The following ZNF613 variants were observed in gnomAD, a reference collection of about 807,000 sequenced individuals.
ZNF613 encodes zinc finger protein 613.
ZNF613 carries 8 observed loss-of-function variants against 14.3 expected under a neutral mutation model. The ratio of observed to expected loss-of-function variants is 0.56; its 90% confidence interval spans 0.33 to 1.01. The LOEUF (loss-of-function observed/expected upper bound fraction) is 1.01. ZNF613 is among the 50% of genes least tolerant of loss of function. The probability of loss-of-function intolerance (pLI) is 0.03; values close to 1 mark genes in which losing one functional copy is unlikely to be tolerated. For synonymous variants in ZNF613, 228 were observed against 254.5 expected, an observed-to-expected ratio of 0.90 and a Z score of 0.99; for missense variants, 656 against 741.9, an observed-to-expected ratio of 0.88 and a Z score of 1.35.
At chr19:51,942,505 T>C (rs932870387) in intron 5 of ZNF613, among the ~76,000 whole-genome samples, 4 of 152,194 alleles carry the variant, frequency 2.6e-5, no homozygotes, top group Admixed American at 1.3e-4. Flanking sequence ...ACCTTCCAAG[T>C]AGACAAAATA....
At chr19:51,929,441 G>A (rs1237855752) in intron 1 of ZNF613, among the ~76,000 whole-genome samples, 1 of 152,108 alleles carries the variant, frequency 6.6e-6, no homozygotes, top group East Asian at 1.9e-4. Flanking sequence ...TGTAAATGGT[G>A]TGTTTTTAAT....
chr19:51,933,525 A>AT (rs1381313419), intron 2 of ZNF613, among the ~76,000 whole-genome samples: 2 of 151,780 alleles, frequency 1.3e-5, no homozygotes, highest in Non-Finnish European at 2.9e-5. Context: ...CTCACCACAG[A>AT]CTCAAACTCC....
chr19:51,931,872 A>G (rs142701229), intron 2 of ZNF613, among the ~76,000 whole-genome samples: 1 of 152,298 alleles, frequency 6.6e-6, no homozygotes, highest in East Asian at 1.9e-4. Flanking sequence ...GATTCCTGGT[A>G]GACTGAACAA....
At chr19:51,928,076 T>A (rs2085232461) in intron 1 of ZNF613, 1 of 151,698 alleles carries the variant, frequency 6.6e-6, no homozygotes, top group Non-Finnish European at 1.5e-5. Flanking sequence ...TATCTATCTA[T>A]CTAATTTATC....
At chr19:51,932,056 G>T (rs904669560) in intron 2 of ZNF613, among the ~76,000 whole-genome samples, 1 of 151,992 alleles carries the variant, frequency 6.6e-6, no homozygotes, top group African/African-American at 2.4e-5. Context: ...ATTGTCAGTC[G>T]GCCTTTTGGT....
chr19:51,937,425 A>C (rs2085312716), intron 3 of ZNF613, among the ~76,000 whole-genome samples: 1 of 152,110 alleles, frequency 6.6e-6, no homozygotes, highest in Non-Finnish European at 1.5e-5. Flanking sequence ...GTGAGCAAAA[A>C]CCCACACATT....
intron 2 of ZNF613, among the ~76,000 whole-genome samples, chr19:51,930,597 G>A (rs901972567): frequency 9.2e-5 from 14 of 152,156 alleles, no homozygotes; most frequent in African/African-American, 2.7e-4. Context: ...TGTCTGTGTC[G>A]TAGCATGTAT....
chr19:51,936,827 A>G (rs2085308825), intron 3 of ZNF613, among the ~76,000 whole-genome samples: 2 of 152,142 alleles, frequency 1.3e-5, no homozygotes, highest in South Asian at 2.1e-4. Flanking sequence ...ACCCCTAGGT[A>G]GCTTCAGTAT....
At chr19:51,930,761 A>G (rs1229840557) in intron 2 of ZNF613, among the ~76,000 whole-genome samples, 1 of 151,686 alleles carries the variant, frequency 6.6e-6, no homozygotes, top group African/African-American at 2.4e-5. Context: ...GTAAGTTTTT[A>G]TTGTTTTTAT....
chr19:51,933,185 G>C (rs1252458787), intron 2 of ZNF613, among the ~76,000 whole-genome samples: 1 of 152,160 alleles, frequency 6.6e-6, no homozygotes, highest in Non-Finnish European at 1.5e-5. Flanking sequence ...GCATGCGTGT[G>C]GCTTTTATAT....
chr19:51,928,514 C>G (rs2085236209), intron 1 of ZNF613, among the ~76,000 whole-genome samples: 1 of 152,144 alleles, frequency 6.6e-6, no homozygotes, highest in Non-Finnish European at 1.5e-5. Context: ...TCTCCTTTCT[C>G]TCATCCTGGT....
chr19:51,943,436 G>A (rs917676912), intron 5 of ZNF613, among the ~76,000 whole-genome samples: 2 of 152,192 alleles, frequency 1.3e-5, no homozygotes, highest in African/African-American at 4.8e-5. Flanking sequence ...TATGCATGCT[G>A]TGTACCCTAC....
At chr19:51,931,395 A>G (rs1215187037) in intron 2 of ZNF613, among the ~76,000 whole-genome samples, 1 of 152,204 alleles carries the variant, frequency 6.6e-6, no homozygotes, top group East Asian at 1.9e-4. Flanking sequence ...TTTTTTGTAT[A>G]TGTTCAATTG....
chr19:51,930,940 GT>G (rs1278043046), intron 2 of ZNF613, among the ~76,000 whole-genome samples: 1 of 152,074 alleles, frequency 6.6e-6, no homozygotes, highest in Non-Finnish European at 1.5e-5. Context: ...GTTATTTTTA[GT>G]TTTTTATTAC....
rs758208617 is a variant in ZNF613, at chr19:51,944,839, G to C, written c.956G>C (p.Ser319Thr). The change falls in exon 6 of 6, where the codon AGC (serine) becomes ACC (threonine). Residue 319 changes from serine (S) to threonine (T), a missense_variant. Physicochemically the swap from Ser to Thr is moderately conservative, Grantham distance 58. Transcript: ENST00000293471. ...ACAGGAGAGAAACCACATGGATGCAGCCTGTGTGGGAAGGCCTTCTCCAAA... is the reference window on the plus strand; with the variant it reads ...ACAGGAGAGAAACCACATGGATGCACCCTGTGTGGGAAGGCCTTCTCCAAA... ...VHTGEKPHGC[S>T]LCGKAFSKRS... 1 of 1,613,106 alleles carries C rather than the reference G, an allele frequency of 6.2e-7. No homozygotes were observed. The highest frequency in any genetic ancestry group is 8.5e-7 in the Non-Finnish European group (1 of 1,179,850).
chr19:51,929,507 G>C (rs1270487638), intron 1 of ZNF613, among the ~76,000 whole-genome samples: 1 of 152,018 alleles, frequency 6.6e-6, no homozygotes, highest in East Asian at 1.9e-4. Context: ...AATTAGTTTA[G>C]AAAATATTTA....
chr19:51,944,171 T>C lies in ZNF613; in HGVS notation c.288T>C (p.Cys96=). 1 of 1,570,900 alleles carries C rather than the reference T, an allele frequency of 6.4e-7. No homozygotes were observed. The highest frequency in any genetic ancestry group is 8.6e-7 in the Non-Finnish European group (1 of 1,158,588). ...HLQMHSQKQR[C]LKRVEQCHKH... is the part of the protein sequence containing the mutation. Reference sequence around the variant, plus strand: ...AGATGCACTCACAAAAGCAAAGATGTCTGAAGAGAGTGGAACAATGCCATA... The same window carrying C: ...AGATGCACTCACAAAAGCAAAGATGCCTGAAGAGAGTGGAACAATGCCATA... The change falls in exon 6 of 6, where the codon TGT becomes TGC. Residue 96 remains cysteine, a synonymous_variant. Coordinates refer to ENST00000293471, the MANE Select transcript of ZNF613 (RefSeq NM_001031721.4).
At position 51,940,678 on chromosome 19, in the gene ZNF613, A is replaced by G. The variant is rs541210606; in HGVS notation, c.204A>G (p.Val68=). 29 of 1,613,516 alleles carry G rather than the reference A, an allele frequency of 1.8e-5. No homozygotes were observed. In the South Asian group the frequency reaches 3.2e-4, roughly 18 times the overall value. The change falls in exon 5 of 6, where the codon GTA becomes GTG. Residue 68 remains valine (V), a synonymous_variant. Coordinates refer to ENST00000293471, the MANE Select transcript of ZNF613 (RefSeq NM_001031721.4). ...FKLEQGEPWT[V]ENEIHSQICP... The stretch of plus-strand genomic sequence containing the variant: ...TGGAACAAGGAGAGCCATGGACAGT[A>G]GAAAATGAAATCCACAGCCAAATCT...
intron 2 of ZNF613, among the ~76,000 whole-genome samples, chr19:51,932,055 C>T (rs1434939481): frequency 2.0e-5 from 3 of 152,036 alleles, no homozygotes; most frequent in Non-Finnish European, 4.4e-5. Context: ...AATTGTCAGT[C>T]GGCCTTTTGG....
Sources: allele counts gnomAD v4.1 joint callset (sites outside exome capture counted in the v4.1 genomes callset), GRCh38; gene constraint gnomAD v4.1.1; transcripts MANE v1.5; gene names NCBI Gene and HGNC (gene_info 2026-07-23, HGNC 2026-07-21).